FMN1: variants seen among roughly 807,000 people sequenced by gnomAD.
FMN1 encodes formin-1.
In FMN1, 110 loss-of-function variants were observed where a neutral mutation model predicts 132.4. That is an observed-to-expected ratio of 0.83 (90% CI 0.71 to 0.97). The LOEUF (loss-of-function observed/expected upper bound fraction) is 0.97. Among genes scored for constraint, FMN1 ranks in the 50% least tolerant of loss-of-function variants. The probability of loss-of-function intolerance (pLI) is 0.00; values close to 1 mark genes in which losing one functional copy is unlikely to be tolerated. For synonymous variants in FMN1, 722 were observed against 651.7 expected, an observed-to-expected ratio of 1.11 and a Z score of -1.64; for missense variants, 1,792 against 1,705.3, an observed-to-expected ratio of 1.05 and a Z score of -0.90.
rs1002716698 is a variant in FMN1 at position 32,770,368 on chromosome 15, G to A, written c.*3942C>T. ...TGAGGACATGTAACTTTCAAGAAAG[G>A]AAGAGTATCATTAAAATGAAAATTT... On this transcript the variant is annotated 3_prime_UTR_variant, in exon 21 of 21. Coordinates refer to ENST00000616417, the MANE Select transcript of FMN1 (RefSeq NM_001277313.2). 6.6e-6 allele frequency: 1 copy of A among 151,270 alleles called. No homozygotes were observed. The highest frequency in any genetic ancestry group is 1.5e-5 in the Non-Finnish European group (1 of 67,880). 9.4% of individuals were successfully genotyped at this position (151,270 alleles called of 1,614,324 possible).
intron 5 of FMN1, chr15:33,066,586 A>G: frequency 6.2e-7 from 1 of 1,612,250 alleles, no homozygotes; most frequent in South Asian, 1.1e-5. Flanking sequence ...ACTCCTTCTC[A>G]TGTCTCATCT....
intron 16 of FMN1, among the ~76,000 whole-genome samples, chr15:32,873,932 A>G (rs1018261552): frequency 2.6e-5 from 4 of 151,282 alleles, no homozygotes; most frequent in Non-Finnish European, 4.4e-5. Flanking sequence ...TCATTCAATT[A>G]TTCCTAGATT....
intron 6 of FMN1, chr15:33,012,120 T>C: frequency 2.2e-6 from 1 of 451,218 alleles, no homozygotes; most frequent in Non-Finnish European, 4.1e-6. Context: ...ACTGCTGTCA[T>C]GTCTGCACAT....
chr15:33,050,474 C>T (rs535004541), intron 6 of FMN1, among the ~76,000 whole-genome samples: 5 of 152,064 alleles, frequency 3.3e-5, no homozygotes, highest in East Asian at 3.9e-4. Flanking sequence ...GGACCAAGAA[C>T]ACCAGGAAGC....
At chr15:33,182,310 T>G (rs1037945236) in intron 2 of FMN1, among the ~76,000 whole-genome samples, 4 of 152,192 alleles carry the variant, frequency 2.6e-5, no homozygotes, top group Non-Finnish European at 4.4e-5. Context: ...TTCTCATGCA[T>G]AAAGCAGGGA....
chr15:32,863,170 G>A (rs746733976), intron 16 of FMN1, among the ~76,000 whole-genome samples: 9 of 152,202 alleles, frequency 5.9e-5, no homozygotes, highest in Non-Finnish European at 1.0e-4. Context: ...TCGGCTAGGC[G>A]CGGTGGCTCA....
chr15:32,873,647 G>C (rs933798520), intron 16 of FMN1, among the ~76,000 whole-genome samples: 1 of 152,152 alleles, frequency 6.6e-6, no homozygotes, highest in Non-Finnish European at 1.5e-5. Flanking sequence ...CTAGAGGAGA[G>C]GGGGAGTTCT....
intron 5 of FMN1, among the ~76,000 whole-genome samples, chr15:33,078,696 G>C (rs924294021): frequency 1.3e-5 from 2 of 150,392 alleles, no homozygotes; most frequent in African/African-American, 4.9e-5. Context: ...TGTTAACATA[G>C]GAGTGTTCAC....
Position 33,119,189 on chromosome 15 carries a change from A to ATGAACACCC in FMN1, c.1868-30224_1868-30216dup, listed in dbSNP as rs1320421675. 7.2e-5 allele frequency among the ~76,000 whole-genome samples: 11 copies of ATGAACACCC among 152,324 alleles called. No individual in the cohort carries two copies. The East Asian group carries it at 2.1e-3, about 29-fold the overall frequency. On this transcript the variant is annotated intron_variant, in intron 4 of 20. Transcript: ENST00000616417. The stretch of plus-strand genomic sequence containing the variant: ...CTAGTTAGATTCATCTCTATGTTCA[A>ATGAACACCC]TGAACACCCTTCTCTCTCCACCTGC...
intron 16 of FMN1, among the ~76,000 whole-genome samples, chr15:32,882,023 G>A (rs969369912): frequency 6.6e-6 from 1 of 152,144 alleles, no homozygotes; most frequent in African/African-American, 2.4e-5. Context: ...AGACAGAGAG[G>A]GAGTCAGAGA....
At chr15:32,920,483 A>G (rs1471781865) in intron 10 of FMN1, among the ~76,000 whole-genome samples, 1 of 152,210 alleles carries the variant, frequency 6.6e-6, no homozygotes, top group Non-Finnish European at 1.5e-5. Flanking sequence ...TTTACAAGAC[A>G]TCAAACACTA....
At chr15:33,021,310 C>T (rs1322373586) in intron 6 of FMN1, among the ~76,000 whole-genome samples, 1 of 152,186 alleles carries the variant, frequency 6.6e-6, no homozygotes, top group Non-Finnish European at 1.5e-5. Context: ...GTTTGTTACA[C>T]AGCATTATTA....
Position 32,798,818 on chromosome 15 carries a change from GT to G in FMN1, c.4115del (p.Asn1372ThrfsTer7). On this transcript the variant is annotated frameshift_variant, in exon 19 of 21. Transcript: ENST00000616417. LOFTEE classifies it high-confidence loss of function. ...FKTIWKRESK[N>X]ISKERLKMAQ... is the part of the protein sequence containing the mutation. ...TTGAACCTTACCTTTCTTTAGATATGTTTTTACTCTCCCGTTTCCAAATTGT... is the reference window on the plus strand; with the variant it reads ...TTGAACCTTACCTTTCTTTAGATATGTTTTACTCTCCCGTTTCCAAATTGT... 6.2e-7 allele frequency: 1 copy of G among 1,612,534 alleles called. No individual in the cohort carries two copies. Among genetic ancestry groups the G allele is most frequent in the Non-Finnish European group, 8.5e-7 (1 of 1,179,236 alleles).
At chr15:33,064,887 A>T in intron 6 of FMN1, 70 bp downstream of exon 6, 3 of 1,046,044 alleles carry the variant, frequency 2.9e-6, no homozygotes, top group Non-Finnish European at 4.3e-6. Flanking sequence ...CTGAGAGTCA[A>T]CTAAGCTAGA....
intron 12 of FMN1, among the ~76,000 whole-genome samples, chr15:32,902,378 C>T (rs537882546): frequency 9.9e-5 from 15 of 152,198 alleles, no homozygotes; most frequent in Non-Finnish European, 1.8e-4. Flanking sequence ...CTTTAACACA[C>T]GAGAAAAATT....
rs1439983118 is a variant in FMN1 at position 32,898,903 on chromosome 15, A to C, written c.3655-10T>G. 1 of 1,562,054 alleles carries C rather than the reference A, an allele frequency of 6.4e-7. No individual in the cohort carries two copies. The highest frequency in any genetic ancestry group is 1.4e-5 in the African/African-American group (1 of 73,878). ...GATTAATCCCATTATCCTAGGTTTA[A>C]AAGAGAAATGTACATGAAAATCATT... On this transcript the variant is annotated splice_polypyrimidine_tract_variant and intron_variant, in intron 14 of 20. Transcript: ENST00000616417.
In FMN1 at chr15:33,063,236, C is replaced by T. The variant is rs1346089593; in HGVS notation, c.2161+1721G>A. 3 of 152,452 alleles carry T rather than the reference C, an allele frequency of 2.0e-5. No individual in the cohort carries two copies. In the East Asian group the frequency reaches 5.8e-4, roughly 29 times the overall value. 9.4% of individuals were successfully genotyped at this position (152,452 alleles called of 1,614,324 possible). Reference sequence around the variant, plus strand: ...CTGCTGACTTCTCTTTGGGTTTGGCCAATGGGAATGACGATGAGGGACCAG... The same window carrying T: ...CTGCTGACTTCTCTTTGGGTTTGGCTAATGGGAATGACGATGAGGGACCAG... On this transcript the variant is annotated intron_variant, in intron 6 of 20. Transcript: ENST00000616417.
At chr15:33,079,331 G>C (rs184819200) in intron 5 of FMN1, among the ~76,000 whole-genome samples, 388 of 152,324 alleles carry the variant, frequency 2.5e-3, no homozygotes, top group South Asian at 0.017. Flanking sequence ...ATTTTATAAA[G>C]AAAGCTGAGG....
intron 4 of FMN1, chr15:33,150,433 A>G (rs1964396795): frequency 8.1e-6 from 8 of 985,440 alleles, no homozygotes; most frequent in Non-Finnish European, 9.6e-6. Flanking sequence ...TCTTGTTAGT[A>G]TATTCTCTAT....
Sources: gnomAD v4.1 joint callset for allele counts (sites outside exome capture counted in the v4.1 genomes callset) on GRCh38, gnomAD v4.1.1 for gene constraint, MANE v1.5 for transcripts, NCBI Gene and HGNC (gene_info 2026-07-23, HGNC 2026-07-21) for gene names.